Variants in CCDC91 observed in about 807,000 individuals in gnomAD.
The protein encoded by CCDC91 is coiled-coil domain containing 91.
A neutral mutation model predicts 63.2 loss-of-function variants in CCDC91; 48 were observed. That is an observed-to-expected ratio of 0.76 (90% CI 0.60 to 0.97). CCDC91 has a LOEUF of 0.97. Ranked by LOEUF, CCDC91 falls within the 50% of genes least tolerant of loss-of-function variation. The pLI, the probability that CCDC91 is intolerant of heterozygous loss-of-function variation, is 0.00. For missense variants in CCDC91, 500 were observed against 494.6 expected, an observed-to-expected ratio of 1.01 and a Z score of -0.10; for synonymous variants, 167 against 165.8, an observed-to-expected ratio of 1.01 and a Z score of -0.06.
At chr12:28,499,759 G>C (rs972629466) in intron 12 of CCDC91, among the ~76,000 whole-genome samples, 2 of 152,104 alleles carry the variant, frequency 1.3e-5, no homozygotes, top group African/African-American at 4.8e-5. Context: ...GGGCATTTGG[G>C]TTGGTTCCAA....
intron 8 of CCDC91, among the ~76,000 whole-genome samples, chr12:28,421,514 C>A (rs533265909): frequency 5.9e-5 from 9 of 151,550 alleles, no homozygotes; most frequent in African/African-American, 2.2e-4. Flanking sequence ...CCGGCTCCAT[C>A]CATGCTGCAG....
intron 11 of CCDC91, among the ~76,000 whole-genome samples, chr12:28,462,378 T>G (rs1263765311): frequency 6.6e-6 from 1 of 152,142 alleles, no homozygotes; most frequent in Non-Finnish European, 1.5e-5. Flanking sequence ...ATATATTATC[T>G]TTTCAAATGG....
At chr12:28,301,876 G>A (rs535846957) in intron 3 of CCDC91, among the ~76,000 whole-genome samples, 1 of 151,350 alleles carries the variant, frequency 6.6e-6, no homozygotes, top group African/African-American at 2.4e-5. Flanking sequence ...AATTTTTTCT[G>A]TTTTGATAGC....
chr12:28,205,241 A>G (rs1942756864), intron 1 of CCDC91, among the ~76,000 whole-genome samples: 1 of 151,352 alleles, frequency 6.6e-6, no homozygotes, highest in Admixed American at 6.6e-5. Context: ...TGTGCTTCAG[A>G]CTTTTTTTTT....
Position 28,268,636 on chromosome 12 carries a change from A to T in CCDC91, c.109+9194A>T, listed in dbSNP as rs538984706. On this transcript the variant is annotated intron_variant, in intron 3 of 12. Transcript: ENST00000536442. ...GAATGAGGGCTCCATTATTTTGGCC[A>T]CAGAGCTATATCCAGGACTGCTTCA... The T allele has an allele frequency of 7.1e-6, 7 of 984,938 alleles. No individual in the cohort carries two copies. In the East Asian group the frequency reaches 5.7e-4, roughly 80 times the overall value. The allele number at this position is 984,938 out of a possible 1,614,324, so 61.0% of individuals were successfully genotyped here.
chr12:28,302,166 A>G (rs889286381), intron 3 of CCDC91, among the ~76,000 whole-genome samples: 2 of 151,966 alleles, frequency 1.3e-5, no homozygotes, highest in African/African-American at 4.8e-5. Context: ...ACTGCTTTAA[A>G]TGTATCCCAT....
chr12:28,438,890 A>T (rs1416178520), intron 8 of CCDC91, among the ~76,000 whole-genome samples: 8 of 152,222 alleles, frequency 5.3e-5, no homozygotes, highest in Non-Finnish European at 1.2e-4. Context: ...ATACATTTTC[A>T]AAAGCTATTT....
chr12:28,517,642 G>A (rs1940098936), intron 12 of CCDC91, among the ~76,000 whole-genome samples: 1 of 151,798 alleles, frequency 6.6e-6, no homozygotes, highest in Admixed American at 6.6e-5. Context: ...ACATGAGTAA[G>A]TTCTTCAGTG....
At chr12:28,501,852 G>C (rs1239826837) in intron 12 of CCDC91, among the ~76,000 whole-genome samples, 3 of 151,018 alleles carry the variant, frequency 2.0e-5, no homozygotes, top group Non-Finnish European at 4.4e-5. Flanking sequence ...CTTTTTGGTT[G>C]GTAAGCTATT....
rs1003561680 is a variant in CCDC91 at position 28,519,968 on chromosome 12, A to G, written c.1216-29095A>G. 6.6e-5 allele frequency among the ~76,000 whole-genome samples: 10 copies of G among 152,080 alleles called. No homozygotes were observed. The East Asian group carries it at 1.2e-3, about 18-fold the overall frequency. On this transcript the variant is annotated intron_variant, in intron 12 of 12. Transcript: ENST00000536442. ...GTGCCACATTTTCTTAATCCAGTCT[A>G]TCATTGATGGGCATTTGGGTTGGTT...
intron 3 of CCDC91, among the ~76,000 whole-genome samples, chr12:28,266,477 G>A (rs544743218): frequency 1.3e-5 from 2 of 152,050 alleles, no homozygotes; most frequent in South Asian, 4.1e-4. Context: ...TATGGTGCCT[G>A]GTTTAACTGT....
chr12:28,465,368 G>A (rs1950501461), intron 11 of CCDC91, among the ~76,000 whole-genome samples: 1 of 152,074 alleles, frequency 6.6e-6, no homozygotes. Flanking sequence ...TGAGCAAACC[G>A]AAGTGGTAGC....
intron 8 of CCDC91, among the ~76,000 whole-genome samples, chr12:28,408,329 G>A (rs949382763): frequency 2.6e-5 from 4 of 152,112 alleles, no homozygotes; most frequent in Admixed American, 6.6e-5. Flanking sequence ...TGTTTTTACG[G>A]CTGCATAGTA....
chr12:28,314,019 A>G (rs1048367707), intron 6 of CCDC91, among the ~76,000 whole-genome samples: 10 of 152,038 alleles, frequency 6.6e-5, no homozygotes, highest in African/African-American at 2.4e-4. Context: ...ACAGCTGGTT[A>G]TAAAATTATT....
intron 1 of CCDC91, among the ~76,000 whole-genome samples, chr12:28,221,299 A>G (rs1943928704): frequency 1.3e-5 from 2 of 152,000 alleles, no homozygotes; most frequent in African/African-American, 4.8e-5. Context: ...TGCTTTCTTA[A>G]AAGTTATAAA....
intron 12 of CCDC91, among the ~76,000 whole-genome samples, chr12:28,519,291 T>C (rs1019376622): frequency 2.1e-5 from 3 of 143,516 alleles, no homozygotes; most frequent in Non-Finnish European, 3.0e-5. Context: ...TGCTAAGTTG[T>C]TTGTTTGTTT....
At chr12:28,315,042 T>C (rs1388782044) in intron 6 of CCDC91, among the ~76,000 whole-genome samples, 1 of 151,952 alleles carries the variant, frequency 6.6e-6, no homozygotes, top group Admixed American at 6.6e-5. Flanking sequence ...AGCATTTACA[T>C]TCATTAAAAC....
chr12:28,307,729 G>A lies in CCDC91; in HGVS notation c.556G>A (p.Asp186Asn). 1 of 1,578,756 alleles carries A rather than the reference G, an allele frequency of 6.3e-7. No individual in the cohort carries two copies. The highest frequency in any genetic ancestry group is 8.6e-7 in the Non-Finnish European group (1 of 1,156,552). The change falls in exon 6 of 13, where the codon GAT becomes AAT. Residue 186 changes from aspartate to asparagine, a missense_variant. Coordinates refer to ENST00000536442, the MANE Select transcript of CCDC91 (RefSeq NM_018318.5). Reference sequence around the variant, plus strand: ...AGAGCAAGAGGCCATTTCTTTTCAAGATAGATACAAAGAACTTCAGGTAAG... The same window carrying A: ...AGAGCAAGAGGCCATTTCTTTTCAAAATAGATACAAAGAACTTCAGGTAAG... ...EKEQEAISFQ[D>N]RYKELQEKHK...
chr12:28,540,735 G>A (rs768494482), intron 12 of CCDC91, among the ~76,000 whole-genome samples: 1 of 152,022 alleles, frequency 6.6e-6, no homozygotes, highest in Admixed American at 6.6e-5. Context: ...TTTGAGTCTC[G>A]GCTGGACTGA....
Sources: allele counts gnomAD v4.1 joint callset (sites outside exome capture counted in the v4.1 genomes callset), GRCh38; gene constraint gnomAD v4.1.1; transcripts MANE v1.5; gene names NCBI Gene and HGNC (gene_info 2026-07-23, HGNC 2026-07-21).